PCDH9: variants seen among roughly 807,000 people sequenced by gnomAD.
PCDH9 encodes protocadherin-9.
PCDH9 carries 24 observed loss-of-function variants against 70.6 expected under a neutral mutation model. That is an observed-to-expected ratio of 0.34 (90% CI 0.25 to 0.48). The LOEUF (loss-of-function observed/expected upper bound fraction) is 0.48, where lower values mean the gene tolerates loss of function less well. PCDH9 is among the 20% of genes least tolerant of loss of function. The pLI is 0.99. For missense variants in PCDH9, 1,281 were observed against 1,503.6 expected (o/e 0.85, Z 2.45); for synonymous variants, 562 against 558.5 (o/e 1.01, Z -0.09).
At chr13:66,901,125 G>A (rs190815771) in intron 3 of PCDH9, among the ~76,000 whole-genome samples, 49 of 151,442 alleles carry the variant, frequency 3.2e-4, no homozygotes, top group African/African-American at 1.1e-3. Context: ...AAAAAAACTC[G>A]AAAGATGACA....
intron 4 of PCDH9, among the ~76,000 whole-genome samples, chr13:66,587,848 T>C (rs1248894441): frequency 6.6e-6 from 1 of 151,682 alleles, no homozygotes; most frequent in East Asian, 1.9e-4. Flanking sequence ...GAAACAAACT[T>C]TCAAACCAAA....
intron 4 of PCDH9, among the ~76,000 whole-genome samples, chr13:66,362,674 CTCTT>C (rs1486151688): frequency 6.6e-6 from 1 of 151,998 alleles, no homozygotes; most frequent in East Asian, 1.9e-4. Flanking sequence ...GTTCCTCTCT[CTCTT>C]TCATTTTCTC....
At chr13:67,055,122 T>G (rs191029171) in intron 2 of PCDH9, among the ~76,000 whole-genome samples, 1 of 152,344 alleles carries the variant, frequency 6.6e-6, no homozygotes, top group Admixed American at 6.5e-5. Flanking sequence ...GTCACTGAAC[T>G]TTTTTCATTC....
At chr13:66,837,228 T>C (rs1193347449) in intron 3 of PCDH9, among the ~76,000 whole-genome samples, 2 of 152,194 alleles carry the variant, frequency 1.3e-5, no homozygotes, top group Non-Finnish European at 2.9e-5. Flanking sequence ...CCAAAATGAG[T>C]TCTCTTTTGA....
rs544870616 is a variant in PCDH9, at chr13:66,634,891, C to A, written c.3139-3480G>T. Reference sequence around the variant, plus strand: ...ACCTATTGATCTTGTCAATTCAGGGCCTTCTCTGAGGTGACGCAGCTCTTA... The same window carrying A: ...ACCTATTGATCTTGTCAATTCAGGGACTTCTCTGAGGTGACGCAGCTCTTA... On this transcript the variant is annotated intron_variant, in intron 3 of 4. Transcript: ENST00000377865. 1.2e-3 allele frequency among the ~76,000 whole-genome samples: 190 copies of A among 152,138 alleles called. 1 individual carries two copies. The highest frequency in any genetic ancestry group is 2.6e-3 in the Admixed American group (40 of 15,258).
intron 2 of PCDH9, among the ~76,000 whole-genome samples, chr13:66,940,562 A>C (rs1738863983): frequency 2.6e-5 from 4 of 152,146 alleles, no homozygotes; most frequent in Admixed American, 2.6e-4. Context: ...TCTATATCTC[A>C]TGTTTAACTT....
intron 3 of PCDH9, among the ~76,000 whole-genome samples, chr13:66,752,320 T>C (rs1356620434): frequency 1.3e-5 from 2 of 152,210 alleles, no homozygotes; most frequent in African/African-American, 4.8e-5. Context: ...ATTTTATTTA[T>C]GTATTTATTA....
intron 2 of PCDH9, among the ~76,000 whole-genome samples, chr13:67,111,559 AT>A (rs1035534027): frequency 2.7e-4 from 41 of 152,314 alleles, no homozygotes; most frequent in African/African-American, 9.6e-4. Flanking sequence ...TACAAAGGGA[AT>A]ATTAGAGAAA....
chr13:66,963,346 T>C (rs1441701770), intron 2 of PCDH9, among the ~76,000 whole-genome samples: 3 of 152,206 alleles, frequency 2.0e-5, no homozygotes, highest in Non-Finnish European at 4.4e-5. Flanking sequence ...TGGATTATTG[T>C]ACTATGAAGA....
At chr13:66,793,095 C>T (rs568474014) in intron 3 of PCDH9, among the ~76,000 whole-genome samples, 1 of 151,146 alleles carries the variant, frequency 6.6e-6, no homozygotes, top group Non-Finnish European at 1.5e-5. Flanking sequence ...CATAATACTG[C>T]ACATGTAATA....
chr13:66,899,105 CAT>C (rs2082234048), intron 3 of PCDH9, among the ~76,000 whole-genome samples: 1 of 152,082 alleles, frequency 6.6e-6, no homozygotes, highest in Admixed American at 6.6e-5. Context: ...ATTTCTATCA[CAT>C]GACTCAATTG....
Position 66,409,165 on chromosome 13 carries a change from A to G in PCDH9, c.3341-104137T>C, listed in dbSNP as rs367650417. Among the ~76,000 whole-genome samples, 12 of 152,282 alleles carry G rather than the reference A, an allele frequency of 7.9e-5. No homozygotes were observed. The East Asian group carries it at 2.3e-3, about 29-fold the overall frequency. On this transcript the variant is annotated intron_variant, in intron 4 of 4. Coordinates refer to ENST00000377865, the MANE Select transcript of PCDH9 (RefSeq NM_203487.3). ...ATACAGACTTTGAGAAATGAAAAAA[A>G]AAGGAGCCAGGTGGCCAAAAAGAAT...
At chr13:67,196,642 T>C (rs1411038137) in intron 2 of PCDH9, among the ~76,000 whole-genome samples, 1 of 152,168 alleles carries the variant, frequency 6.6e-6, no homozygotes, top group African/African-American at 2.4e-5. Context: ...CAAAAATGAA[T>C]ACTGGGCAAG....
chr13:66,930,938 A>AT (rs1446601880), intron 2 of PCDH9, among the ~76,000 whole-genome samples: 1 of 152,204 alleles, frequency 6.6e-6, no homozygotes, highest in African/African-American at 2.4e-5. Context: ...ACTGTCTACC[A>AT]GAAGCCTTTT....
intron 2 of PCDH9, among the ~76,000 whole-genome samples, chr13:67,130,354 T>G (rs1275842182): frequency 6.6e-6 from 1 of 152,130 alleles, no homozygotes; most frequent in Non-Finnish European, 1.5e-5. Flanking sequence ...ACATACATCC[T>G]TAATTGTAAA....
chr13:66,835,448 C>T (rs1476360225), intron 3 of PCDH9, among the ~76,000 whole-genome samples: 1 of 152,196 alleles, frequency 6.6e-6, no homozygotes, highest in Non-Finnish European at 1.5e-5. Flanking sequence ...ACCCAGGGAA[C>T]ACAGCAAAGT....
intron 2 of PCDH9, among the ~76,000 whole-genome samples, chr13:66,907,242 T>A (rs1448809512): frequency 2.0e-5 from 3 of 152,090 alleles, no homozygotes; most frequent in African/African-American, 7.2e-5. Context: ...TCAAGGTTCA[T>A]CCCACCAAAA....
chr13:66,483,424 A>G (rs950240086), intron 4 of PCDH9, among the ~76,000 whole-genome samples: 1 of 152,214 alleles, frequency 6.6e-6, no homozygotes, highest in South Asian at 2.1e-4. Flanking sequence ...CAATACAACA[A>G]TGTCCTGAAA....
At chr13:66,314,819 C>T (rs764091614) in intron 4 of PCDH9, among the ~76,000 whole-genome samples, 7 of 152,110 alleles carry the variant, frequency 4.6e-5, no homozygotes, top group Non-Finnish European at 7.4e-5. Flanking sequence ...ATATTTTCAC[C>T]CTAATCTCTG....
Sources: gnomAD v4.1 joint callset for allele counts (sites outside exome capture counted in the v4.1 genomes callset) on GRCh38, gnomAD v4.1.1 for gene constraint, MANE v1.5 for transcripts, NCBI Gene and HGNC (gene_info 2026-07-23, HGNC 2026-07-21) for gene names.